Variants in ATIC observed in about 807,000 individuals in gnomAD.
ATIC encodes the protein 5-aminoimidazole-4-carboxamide ribonucleotide formyltransferase/IMP cyclohydrolase.
In ATIC, 64 loss-of-function variants were observed where a neutral mutation model predicts 72.5. The observed-to-expected ratio is 0.88, with a 90% CI of 0.72 to 1.09. The LOEUF is 1.09. Among genes scored for constraint, ATIC ranks in the 50% least tolerant of loss-of-function variants. ATIC has a pLI of 0.00. For missense variants in ATIC, 787 were observed against 732.4 expected (o/e 1.07, Z -0.86); for synonymous variants, 281 against 267.1 (o/e 1.05, Z -0.51).
intron 12 of ATIC, among the ~76,000 whole-genome samples, chr2:215,341,557 C>A (rs897764139): frequency 3.3e-5 from 5 of 152,146 alleles, no homozygotes; most frequent in Non-Finnish European, 4.4e-5. Context: ...TTCTGTTTTA[C>A]CCGTCTTTTT....
chr2:215,355,775 T>C, the ATIC span, among the ~76,000 whole-genome samples: 38 of 152,242 alleles, frequency 2.5e-4, no homozygotes, highest in Non-Finnish European at 4.8e-4. Flanking sequence ...AAGGAGATTT[T>C]GCTAGAAGGC....
intron 1 of ATIC, 92 bp downstream of exon 1, chr2:215,312,253 A>G: frequency 6.9e-7 from 1 of 1,458,806 alleles, no homozygotes; most frequent in Middle Eastern, 2.5e-4. Flanking sequence ...CCGGCACTGC[A>G]GGGGCGGCGC....
chr2:215,329,735 T>C (rs16853786), intron 7 of ATIC, among the ~76,000 whole-genome samples: 3,332 of 152,268 alleles, frequency 0.022, 41 homozygotes, highest in Middle Eastern at 0.027. Context: ...ATTAATGTCT[T>C]TGAAAATTTG....
chr2:215,348,258 G>A (rs2053092563), intron 14 of ATIC, among the ~76,000 whole-genome samples: 1 of 152,120 alleles, frequency 6.6e-6, no homozygotes, highest in African/African-American at 2.4e-5. Flanking sequence ...TTTACATTTA[G>A]AATAATTTTT....
At chr2:215,364,073 C>T in the ATIC span, among the ~76,000 whole-genome samples, 1 of 152,228 alleles carries the variant, frequency 6.6e-6, no homozygotes, top group Non-Finnish European at 1.5e-5. Flanking sequence ...CTCTTTCTTG[C>T]TAATTCCAGC....
chr2:215,328,459 C>T (rs1177315859), intron 7 of ATIC, among the ~76,000 whole-genome samples: 1 of 152,102 alleles, frequency 6.6e-6, no homozygotes, highest in South Asian at 2.1e-4. Flanking sequence ...CTAGCCCCTC[C>T]GCCCTGTGCC....
the ATIC span, among the ~76,000 whole-genome samples, chr2:215,368,208 G>A: frequency 6.6e-6 from 1 of 152,204 alleles, no homozygotes; most frequent in African/African-American, 2.4e-5. Context: ...GGTTAGATGT[G>A]ACACCTGTCA....
At chr2:215,325,461 C>A in intron 5 of ATIC, 132 bp downstream of exon 5, 1 of 636,874 alleles carries the variant, frequency 1.6e-6, no homozygotes, top group Non-Finnish European at 2.6e-6. Context: ...TTTGGGATTA[C>A]TATAATTCAT....
At position 215,331,778 on chromosome 2, in the gene ATIC, G is replaced by A. The variant is rs113122486; in HGVS notation, c.689-604G>A. On this transcript the variant is annotated intron_variant, in intron 7 of 15. Transcript: ENST00000236959. ...GAGATACTAGCTCCTAAAAAAATCT[G>A]CCAGTGTTGAGAAACTAGGTAATGG... Among the ~76,000 whole-genome samples the A allele has an allele frequency of 8.7e-4, 133 of 152,218 alleles. 1 individual carries two copies. Among genetic ancestry groups the A allele is most frequent in the African/African-American group, 3.1e-3 (129 of 41,534 alleles).
chr2:215,361,677 G>T, the ATIC span: 1 of 1,381,538 alleles, frequency 7.2e-7, no homozygotes, highest in Non-Finnish European at 1.0e-6. Flanking sequence ...ACTGTAAAGT[G>T]TACAGAAAAA....
At chr2:215,319,816 T>A (rs995475360) in intron 4 of ATIC, 85 bp downstream of exon 4, 2 of 1,150,574 alleles carry the variant, frequency 1.7e-6, no homozygotes, top group African/African-American at 3.1e-5. Flanking sequence ...GTTTTCTTAC[T>A]CACTATAAAC....
chr2:215,317,161 T>A (rs1408671586), intron 2 of ATIC, among the ~76,000 whole-genome samples: 1 of 152,238 alleles, frequency 6.6e-6, no homozygotes, highest in African/African-American at 2.4e-5. Flanking sequence ...TCTAGGGGTC[T>A]GCTTTGTGAT....
intron 7 of ATIC, among the ~76,000 whole-genome samples, chr2:215,329,020 A>G (rs2052861423): frequency 6.6e-6 from 1 of 152,158 alleles, no homozygotes; most frequent in Non-Finnish European, 1.5e-5. Flanking sequence ...CCCAGCCAGG[A>G]TGTCAGCTTT....
chr2:215,324,174 G>A (rs2052798156), intron 4 of ATIC, among the ~76,000 whole-genome samples: 1 of 152,242 alleles, frequency 6.6e-6, no homozygotes, highest in Non-Finnish European at 1.5e-5. Context: ...TGGGATTATA[G>A]GCATGAGCCA....
chr2:215,314,148 T>C lies in ATIC; in HGVS notation c.146+1524T>C, dbSNP rs965468993. Among the ~76,000 whole-genome samples the C allele has an allele frequency of 7.2e-5, 11 of 152,350 alleles. No homozygotes were observed. The East Asian group carries it at 1.5e-3, about 21-fold the overall frequency. The stretch of plus-strand genomic sequence containing the variant: ...TGTACCTATACCCACTCCTCACTTA[T>C]CTTCATTATGGTCATATCTTCTTTA... On this transcript the variant is annotated intron_variant, in intron 2 of 15. Transcript: ENST00000236959.
intron 14 of ATIC, 113 bp from the exon 15 acceptor site, chr2:215,348,981 T>A (rs2106047660): frequency 5.5e-6 from 5 of 909,044 alleles, no homozygotes; most frequent in East Asian, 5.7e-5. Flanking sequence ...ATAATAATAA[T>A]AAAAACAAGT....
At chr2:215,362,114 T>G in the ATIC span, 3 of 1,478,198 alleles carry the variant, frequency 2.0e-6, no homozygotes, top group South Asian at 1.1e-5. Context: ...AAATGGGGTT[T>G]ATGATAACCT....
At chr2:215,333,001 G>A (rs1246174979) in intron 8 of ATIC, among the ~76,000 whole-genome samples, 2 of 152,136 alleles carry the variant, frequency 1.3e-5, no homozygotes, top group Non-Finnish European at 2.9e-5. Context: ...TTAAAGTGAT[G>A]TGAGTGGGGA....
Position 215,338,887 on chromosome 2 carries a change from G to A in ATIC, c.1207G>A (p.Val403Ile). 6.2e-7 allele frequency: 1 copy of A among 1,613,622 alleles called. No homozygotes were observed. The highest frequency in any genetic ancestry group is 8.5e-7 in the Non-Finnish European group (1 of 1,179,740). The change falls in exon 12 of 16, where the codon GTT becomes ATT. Residue 403 changes from valine to isoleucine, a missense_variant. By Grantham distance (29) the Val-to-Ile change is conservative. Transcript: ENST00000236959. Reference sequence around the variant, plus strand: ...CGTCGACAAGTCATTATTTAGCAATGTTGTTACCAAAAATAAAGATGTAAG... The same window carrying A: ...CGTCGACAAGTCATTATTTAGCAATATTGTTACCAAAAATAAAGATGTAAG... ...GVVDKSLFSN[V>I]VTKNKDLPES...
Sources: gnomAD v4.1 joint callset for allele counts (sites outside exome capture counted in the v4.1 genomes callset) on GRCh38, gnomAD v4.1.1 for gene constraint, MANE v1.5 for transcripts, NCBI Gene and HGNC (gene_info 2026-07-23, HGNC 2026-07-21) for gene names.